The following BCORL1 variants were observed in gnomAD, a reference collection of about 807,000 sequenced individuals.
BCORL1 encodes BCL6 corepressor like 1, also known as BCL-6 corepressor-like protein 1.
In BCORL1, 7 loss-of-function variants were observed where a neutral mutation model predicts 87.6. The ratio of observed to expected loss-of-function variants is 0.08; its 90% CI spans 0.05 to 0.15. The LOEUF (loss-of-function observed/expected upper bound fraction) is 0.15, where lower values mean the gene tolerates loss of function less well. Among genes scored for constraint, BCORL1 ranks in the 10% least tolerant of loss-of-function variants. BCORL1 has a pLI of 1.00. For synonymous variants in BCORL1, 591 were observed against 634.4 expected, an observed-to-expected ratio of 0.93 and a Z score of 1.03; for missense variants, 1,215 against 1,499.7, an observed-to-expected ratio of 0.81 and a Z score of 3.13.
At chrX:129,991,820 G>C (rs1252822108) in intron 1 of BCORL1, among the ~76,000 whole-genome samples, 1 of 97,847 alleles carries the variant, frequency 1.0e-5, no homozygotes, top group Non-Finnish European at 2.0e-5. Context: ...ACCATGCCCA[G>C]CTAATTTTTT....
At position 130,013,133 on chromosome X, in the gene BCORL1, G is replaced by A. The variant is rs750095557; in HGVS notation, c.361G>A (p.Gly121Arg). The change falls in exon 4 of 14, where the codon GGG (glycine) becomes AGG (arginine). Residue 121 changes from glycine (G) to arginine (R), a missense_variant. By Grantham distance (125) the Gly-to-Arg change is moderately radical. Transcript: ENST00000540052. ...LLVPLSSPGD[G>R]LKLPASDSAE... ...GGTGCCCCTGAGCAGCCCAGGAGAC[G>A]GGCTCAAGCTTCCCGCATCTGACAG... The A allele has an allele frequency of 9.1e-6, 11 of 1,210,403 alleles. No individual in the cohort carries two copies. Among genetic ancestry groups the A allele is most frequent in the South Asian group, 7.0e-5 (4 of 56,983 alleles).
chrX:130,014,634 C>T lies in BCORL1; in HGVS notation c.1862C>T (p.Pro621Leu). The change falls in exon 4 of 14, where the codon CCC (proline) becomes CTC (leucine). Residue 621 changes from proline to leucine, a missense_variant. Around this residue, in one of 5 missense-constraint regions of BCORL1, gnomAD observed 861 missense variants for 1,010.0 expected, o/e 0.85. Coordinates refer to ENST00000540052, the MANE Select transcript of BCORL1 (RefSeq NM_001379451.1). The stretch of plus-strand genomic sequence containing the variant: ...TCTCCACCTGAGTGCAGCGAGATGC[C>T]CCTTGATCTGTCCTCCAAGTCCAAC... The part of the protein sequence containing the change: ...MASPPECSEM[P>L]LDLSSKSNRQ... The T allele has an allele frequency of 8.3e-7, 1 of 1,211,449 alleles. No homozygotes were observed.
intron 11 of BCORL1, among the ~76,000 whole-genome samples, chrX:130,041,650 G>C (rs189471082): frequency 9.0e-6 from 1 of 110,764 alleles, no homozygotes; most frequent in Non-Finnish European, 1.9e-5. Flanking sequence ...TTTTTTAGGC[G>C]GAGTCTTGCT....
intron 10 of BCORL1, 51 bp from the exon 11 acceptor site, chrX:130,039,086 C>G (rs771605209): frequency 5.0e-6 from 6 of 1,191,289 alleles, no homozygotes; most frequent in South Asian, 1.8e-5. Context: ...AGTGTAGACA[C>G]CCCAGTTCCC....
Position 130,055,847 on chromosome X carries a change from T to C in BCORL1, c.5076-7T>C. On this transcript the variant is annotated splice_region_variant and splice_polypyrimidine_tract_variant and intron_variant, in intron 13 of 13. Transcript: ENST00000540052. Reference sequence around the variant, plus strand: ...TCCTTCAATAACTCCCATCCTTGCCTTTGCAGGCCCTGCAACTGGTTCCTC... The same window carrying C: ...TCCTTCAATAACTCCCATCCTTGCCCTTGCAGGCCCTGCAACTGGTTCCTC... 8.3e-7 allele frequency: 1 copy of C among 1,197,725 alleles called. No homozygotes were observed. Among genetic ancestry groups the C allele is most frequent in the Non-Finnish European group, 1.1e-6 (1 of 887,821 alleles).
At chrX:130,024,806 G>C (rs1372814270) in intron 6 of BCORL1, among the ~76,000 whole-genome samples, 184 bp from the exon 7 acceptor site, 1 of 111,820 alleles carries the variant, frequency 8.9e-6, no homozygotes. Flanking sequence ...GGGGAGAACA[G>C]TATCCCCATT....
At chrX:129,991,060 C>T (rs1201208155) in intron 1 of BCORL1, among the ~76,000 whole-genome samples, 2 of 111,367 alleles carry the variant, frequency 1.8e-5, no homozygotes, top group South Asian at 3.8e-4. Context: ...CTCAGCCTCC[C>T]GTGTAGCTGG....
Position 129,997,648 on chromosome X carries a change from C to T in BCORL1, c.-44-7540C>T, listed in dbSNP as rs1383332739. Among the ~76,000 whole-genome samples the T allele has an allele frequency of 4.6e-5, 5 of 108,148 alleles. No homozygotes were observed. In the East Asian group the frequency reaches 8.7e-4, roughly 19 times the overall value. The allele number at this position is 108,148 out of a possible 115,157, so 93.9% of individuals were successfully genotyped here. ...CTCTACTAAAAATACAAAAATTAGC[C>T]GGGCATGGTGGCCCATGCCTGTAAT... is the stretch of plus-strand genomic sequence containing the variant. On this transcript the variant is annotated intron_variant, in intron 1 of 13. Coordinates refer to ENST00000540052, the MANE Select transcript of BCORL1 (RefSeq NM_001379451.1).
intron 11 of BCORL1, among the ~76,000 whole-genome samples, chrX:130,042,437 TTAA>T (rs767878128): frequency 9.0e-6 from 1 of 111,249 alleles, no homozygotes; most frequent in Non-Finnish European, 1.9e-5. Context: ...TGAATCAGGC[TTAA>T]TAATGGGAGT....
intron 4 of BCORL1, among the ~76,000 whole-genome samples, chrX:130,016,748 C>A (rs1929477485): frequency 9.0e-6 from 1 of 111,184 alleles, no homozygotes; most frequent in Non-Finnish European, 1.9e-5. Context: ...CCTACCCGCT[C>A]GAATGCTTGA....
chrX:129,988,522 G>A (rs1926809121), intron 1 of BCORL1, among the ~76,000 whole-genome samples: 2 of 110,752 alleles, frequency 1.8e-5, no homozygotes, highest in South Asian at 7.5e-4. Flanking sequence ...ATTTTCCCTG[G>A]TCAATGAATT....
Position 130,039,189 on chromosome X carries a change from C to G in BCORL1, c.4747C>G (p.Leu1583Val), listed in dbSNP as rs747820077. ...NDNLETIWLL[L>V]SYGADPTLAT... Reference sequence around the variant, plus strand: ...CAACCTGGAGACCATCTGGCTCCTGCTGTCCTATGGGGCCGATCCCACACT... The same window carrying G: ...CAACCTGGAGACCATCTGGCTCCTGGTGTCCTATGGGGCCGATCCCACACT... The change falls in exon 11 of 14, where the codon CTG becomes GTG. Residue 1583 changes from leucine (L) to valine (V), a missense_variant. Coordinates refer to ENST00000540052, the MANE Select transcript of BCORL1 (RefSeq NM_001379451.1). The G allele has an allele frequency of 8.3e-7, 1 of 1,211,337 alleles. No homozygotes were observed.
chrX:130,002,092 ACAAGGCGGAAAT>A (rs1165049975), intron 1 of BCORL1, among the ~76,000 whole-genome samples: 2 of 109,830 alleles, frequency 1.8e-5, no homozygotes, highest in Non-Finnish European at 3.8e-5. Context: ...GTTGAAGATG[ACAAGGCGGAAAT>A]TTCCAGGCTA....
chrX:130,038,370 G>T (rs1031361586), intron 10 of BCORL1, among the ~76,000 whole-genome samples: 1 of 111,460 alleles, frequency 9.0e-6, no homozygotes, highest in African/African-American at 3.3e-5. Flanking sequence ...CCAGGAGGGG[G>T]CTCCGCTTGG....
intron 11 of BCORL1, among the ~76,000 whole-genome samples, chrX:130,043,746 T>TTA (rs55637661): frequency 0.021 from 367 of 17,444 alleles, 15 homozygotes; most frequent in Non-Finnish European, 0.024. Context: ...AGCTAATTTG[T>TTA]TATATATATA....
intron 11 of BCORL1, among the ~76,000 whole-genome samples, chrX:130,042,947 T>C (rs768208333): frequency 3.2e-4 from 34 of 107,180 alleles, no homozygotes; most frequent in African/African-American, 1.2e-3. Flanking sequence ...CACTCCAGCC[T>C]GGGCGACAGA....
intron 11 of BCORL1, among the ~76,000 whole-genome samples, chrX:130,043,781 TATA>T (rs1373020576): frequency 1.7e-4 from 4 of 24,210 alleles, no homozygotes; most frequent in African/African-American, 5.9e-4. Flanking sequence ...TATATATATA[TATA>T]TTTTTTTTTT....
chrX:130,012,833 T>C, intron 3 of BCORL1, 117 bp from the exon 4 acceptor site: 1 of 1,098,436 alleles, frequency 9.1e-7, no homozygotes, highest in Non-Finnish European at 1.2e-6. Context: ...CTCTGCGTCT[T>C]CCGAGACCTG....
At chrX:129,996,631 T>C (rs994032601) in intron 1 of BCORL1, among the ~76,000 whole-genome samples, 1 of 111,487 alleles carries the variant, frequency 9.0e-6, no homozygotes, top group African/African-American at 3.3e-5. Flanking sequence ...TATTTATTTA[T>C]TTTTTGAGAC....
Sources: gnomAD v4.1 joint callset for allele counts (sites outside exome capture counted in the v4.1 genomes callset) on GRCh38, gnomAD v4.1.1 for gene constraint, gnomAD v4.1.1 regional missense constraint, MANE v1.5 for transcripts, NCBI Gene and HGNC (gene_info 2026-07-23, HGNC 2026-07-21) for gene names.